The following CDH4 variants were observed in gnomAD, a reference collection of about 807,000 sequenced individuals.
The protein encoded by CDH4 is cadherin-4.
Under a neutral mutation model 86.0 loss-of-function variants are expected in CDH4, and 33 were observed. That is an observed-to-expected ratio of 0.38 (90% confidence interval 0.29 to 0.51). CDH4 has a LOEUF of 0.51. Ranked by LOEUF, CDH4 falls within the 20% of genes least tolerant of loss-of-function variation. CDH4 has a pLI of 0.86. For synonymous variants in CDH4, 555 were observed against 549.4 expected (o/e 1.01, Z -0.14); for missense variants, 1,114 against 1,307.4 (o/e 0.85, Z 2.28).
chr20:61,792,150 A>G (rs528457467), intron 4 of CDH4, among the ~76,000 whole-genome samples: 1 of 152,130 alleles, frequency 6.6e-6, no homozygotes, highest in East Asian at 1.9e-4. Flanking sequence ...CGTGAAGGTG[A>G]GGAGGGGAAA....
chr20:61,779,436 G>A (rs143774296), intron 4 of CDH4, among the ~76,000 whole-genome samples: 134 of 152,304 alleles, frequency 8.8e-4, no homozygotes, highest in African/African-American at 3.0e-3. Context: ...TGCTTAGGTC[G>A]CTCGGAGGAG....
chr20:61,799,343 T>G (rs17749002), intron 4 of CDH4, among the ~76,000 whole-genome samples: 9,104 of 152,308 alleles, frequency 0.06, 397 homozygotes, highest in Middle Eastern at 0.12. Flanking sequence ...CTTCATAATA[T>G]AAGAGGATTA....
Position 61,785,013 on chromosome 20 carries a change from G to A in CDH4, c.576+11831G>A, listed in dbSNP as rs530512279. Among the ~76,000 whole-genome samples, 5 of 152,264 alleles carry A rather than the reference G, an allele frequency of 3.3e-5. No homozygotes were observed. The East Asian group carries it at 7.7e-4, about 24-fold the overall frequency. ...CGCTGGCCACTCCCCAAGCTCACTC[G>A]AGGTCGAAGCTGTGGCCGACGCTTG... is the stretch of plus-strand genomic sequence containing the variant. On this transcript the variant is annotated intron_variant, in intron 4 of 15. Coordinates refer to ENST00000614565, the MANE Select transcript of CDH4 (RefSeq NM_001794.5).
chr20:61,565,233 G>GTGATGGTGGTGGTGCTCT (rs1555809112), intron 2 of CDH4, among the ~76,000 whole-genome samples: 1 of 46,744 alleles, frequency 2.1e-5, no homozygotes, highest in Non-Finnish European at 4.1e-5. Context: ...GGTGGTGGTG[G>GTGATGGTGGTGGTGCTCT]TGGTGGTGGC....
intron 2 of CDH4, among the ~76,000 whole-genome samples, chr20:61,550,036 C>T (rs1014464196): frequency 6.6e-6 from 1 of 151,236 alleles, no homozygotes; most frequent in African/African-American, 2.5e-5. Context: ...TCCTGGCCTC[C>T]CTGGCCTCCC....
Position 61,858,825 on chromosome 20 carries a change from C to G in CDH4, c.877+5927C>G, listed in dbSNP as rs554114016. Among the ~76,000 whole-genome samples the G allele has an allele frequency of 1.4e-3, 211 of 152,258 alleles. 1 individual carries two copies. The highest frequency in any genetic ancestry group is 4.6e-3 in the African/African-American group (190 of 41,546). ...CCATCCCCAACTGATGGACGCTGGG[C>G]AGTTTCAACTCTGGGCCATGATGAA... is the stretch of plus-strand genomic sequence containing the variant. On this transcript the variant is annotated intron_variant, in intron 6 of 15. Transcript: ENST00000614565.
chr20:61,426,800 T>C (rs894159534), intron 2 of CDH4, among the ~76,000 whole-genome samples: 2 of 152,218 alleles, frequency 1.3e-5, no homozygotes, highest in African/African-American at 2.4e-5. Flanking sequence ...TTCATAGACC[T>C]TGTCTTGGGA....
At chr20:61,305,583 A>G (rs1428992603) in intron 2 of CDH4, among the ~76,000 whole-genome samples, 3 of 152,214 alleles carry the variant, frequency 2.0e-5, no homozygotes, top group Non-Finnish European at 4.4e-5. Flanking sequence ...ATTCTTTTCA[A>G]TTCTCTTGAC....
chr20:61,409,517 G>A lies in CDH4; in HGVS notation c.169+154580G>A, dbSNP rs543173335. ...GAAGGGCTGCATGCTCATCACACCCGGGGCCGCCTGGGCAGTCGGGACTCA... is the reference window on the plus strand; with the variant it reads ...GAAGGGCTGCATGCTCATCACACCCAGGGCCGCCTGGGCAGTCGGGACTCA... On this transcript the variant is annotated intron_variant, in intron 2 of 15. Coordinates refer to ENST00000614565, the MANE Select transcript of CDH4 (RefSeq NM_001794.5). Among the ~76,000 whole-genome samples the A allele has an allele frequency of 6.6e-5, 10 of 152,338 alleles. No homozygotes were observed. In the South Asian group the frequency reaches 1.0e-3, roughly 16 times the overall value.
chr20:61,420,090 G>A (rs570961495), intron 2 of CDH4, among the ~76,000 whole-genome samples: 9 of 152,324 alleles, frequency 5.9e-5, no homozygotes, highest in South Asian at 2.1e-4. Context: ...CCAGGCCTGC[G>A]AAGGGGCACT....
At chr20:61,565,266 GTGGTCCTCTTGGTGATGGGGTGA>G (rs1265226489) in intron 2 of CDH4, among the ~76,000 whole-genome samples, 5 of 121,220 alleles carry the variant, frequency 4.1e-5, no homozygotes, top group Non-Finnish European at 7.3e-5. Flanking sequence ...GATGGTGGTG[GTGGTCCTCTTGGTGATGGGGTGA>G]TGGTGGTGGC....
chr20:61,826,804 C>T (rs986992951), intron 4 of CDH4, among the ~76,000 whole-genome samples: 1 of 152,158 alleles, frequency 6.6e-6, no homozygotes, highest in African/African-American at 2.4e-5. Flanking sequence ...GCCTCATGGC[C>T]TCCTACCTGT....
intron 2 of CDH4, among the ~76,000 whole-genome samples, chr20:61,482,403 TA>T (rs1364988988): frequency 2.6e-5 from 4 of 152,204 alleles, no homozygotes; most frequent in African/African-American, 9.6e-5. Flanking sequence ...TGGCTTCATT[TA>T]GTACATTCAG....
At chr20:61,278,208 T>C (rs2084240796) in intron 2 of CDH4, among the ~76,000 whole-genome samples, 2 of 152,226 alleles carry the variant, frequency 1.3e-5, no homozygotes, top group Non-Finnish European at 2.9e-5. Context: ...CTCCATTGCC[T>C]GTATCATTTC....
At chr20:61,642,339 G>A (rs945348979) in intron 2 of CDH4, among the ~76,000 whole-genome samples, 1 of 152,048 alleles carries the variant, frequency 6.6e-6, no homozygotes, top group African/African-American at 2.4e-5. Context: ...GCAGAGGGGT[G>A]TGGAATGGGG....
chr20:61,662,333 C>T (rs1056326755), intron 2 of CDH4, among the ~76,000 whole-genome samples: 4 of 152,228 alleles, frequency 2.6e-5, no homozygotes, highest in Non-Finnish European at 5.9e-5. Flanking sequence ...TTCCTGGAGC[C>T]GCACAGCGCA....
intron 6 of CDH4, among the ~76,000 whole-genome samples, chr20:61,859,146 C>T (rs1001998090): frequency 6.6e-6 from 1 of 152,176 alleles, no homozygotes; most frequent in Non-Finnish European, 1.5e-5. Flanking sequence ...TGTGTTTTCC[C>T]TCTGGCAAAT....
intron 2 of CDH4, among the ~76,000 whole-genome samples, chr20:61,574,669 C>T (rs1198762155): frequency 6.6e-6 from 1 of 152,316 alleles, no homozygotes; most frequent in African/African-American, 2.4e-5. Context: ...CCACAAAGCC[C>T]TTGTTCCAGG....
intron 3 of CDH4, among the ~76,000 whole-genome samples, chr20:61,744,462 G>GAA (rs2088386692): frequency 2.3e-5 from 1 of 43,590 alleles, no homozygotes; most frequent in Non-Finnish European, 4.4e-5. Context: ...GAGAGAGAAG[G>GAA]AGGGAGAGAG....
Sources: allele counts gnomAD v4.1 joint callset (sites outside exome capture counted in the v4.1 genomes callset), GRCh38; gene constraint gnomAD v4.1.1; transcripts MANE v1.5; gene names NCBI Gene and HGNC (gene_info 2026-07-23, HGNC 2026-07-21).